MRPS28: variants seen among roughly 807,000 people sequenced by gnomAD.
MRPS28 encodes the protein small ribosomal subunit protein bS1m.
Under a neutral mutation model 10.8 loss-of-function variants are expected in MRPS28, and 7 were observed. That is an observed-to-expected ratio of 0.65 (90% CI 0.37 to 1.22). The LOEUF is 1.22. MRPS28 is among the 50% of genes most tolerant of loss of function. The pLI is 0.02. For missense variants in MRPS28, 265 were observed against 232.9 expected (o/e 1.14, Z -0.90); for synonymous variants, 121 against 93.3 (o/e 1.30, Z -1.71).
chr8:79,940,695 A>G (rs1806743269), intron 2 of MRPS28, among the ~76,000 whole-genome samples: 1 of 152,202 alleles, frequency 6.6e-6, no homozygotes, highest in South Asian at 2.1e-4. Context: ...TTCAAAGCCA[A>G]CTTTTCCAAA....
At chr8:79,956,069 AT>A (rs908422690) in intron 2 of MRPS28, among the ~76,000 whole-genome samples, 1 of 151,490 alleles carries the variant, frequency 6.6e-6, no homozygotes, top group Non-Finnish European at 1.5e-5. Flanking sequence ...GCTGGACTGA[AT>A]TTTTTTTTAT....
chr8:79,988,356 G>A (rs1156354260), intron 2 of MRPS28, among the ~76,000 whole-genome samples: 2 of 151,276 alleles, frequency 1.3e-5, no homozygotes, highest in Non-Finnish European at 2.9e-5. Flanking sequence ...ACACCAGCAT[G>A]GCACGTGTAT....
At chr8:79,969,939 C>T (rs546121059) in intron 2 of MRPS28, among the ~76,000 whole-genome samples, 1 of 152,240 alleles carries the variant, frequency 6.6e-6, no homozygotes, top group East Asian at 1.9e-4. Flanking sequence ...ACACATTTCT[C>T]CTTGGACGCA....
intron 2 of MRPS28, among the ~76,000 whole-genome samples, chr8:79,929,738 G>A (rs918510040): frequency 2.6e-5 from 4 of 152,108 alleles, no homozygotes; most frequent in African/African-American, 7.2e-5. Flanking sequence ...GTTTTTTTGT[G>A]TATTAATGGT....
chr8:80,020,977 G>A (rs1809342328), intron 1 of MRPS28, among the ~76,000 whole-genome samples: 1 of 151,166 alleles, frequency 6.6e-6, no homozygotes, highest in Admixed American at 6.6e-5. Context: ...AGAAACTACA[G>A]TACGAATATA....
intron 1 of MRPS28, among the ~76,000 whole-genome samples, chr8:80,024,859 T>C (rs1029581682): frequency 2.0e-5 from 3 of 152,228 alleles, no homozygotes; most frequent in Admixed American, 6.5e-5. Flanking sequence ...GACTTTACTA[T>C]GAGAGCTGTG....
At chr8:80,017,883 C>A (rs1809237938) in intron 1 of MRPS28, among the ~76,000 whole-genome samples, 1 of 152,078 alleles carries the variant, frequency 6.6e-6, no homozygotes, top group African/African-American at 2.4e-5. Context: ...AAATTATATA[C>A]CACAACTGAG....
At chr8:79,919,971 T>C (rs1162288674) in intron 2 of MRPS28, among the ~76,000 whole-genome samples, 2 of 109,896 alleles carry the variant, frequency 1.8e-5, no homozygotes, top group South Asian at 6.1e-4. Context: ...CCCCGGTGTG[T>C]GATGTTCCCC....
At chr8:80,029,771 G>A in intron 1 of MRPS28, 1 of 1,497,990 alleles carries the variant, frequency 6.7e-7, no homozygotes. Flanking sequence ...CTTCCCACCA[G>A]CATTCAATCC....
chr8:79,931,673 G>T (rs940387027), intron 2 of MRPS28, among the ~76,000 whole-genome samples: 1 of 152,156 alleles, frequency 6.6e-6, no homozygotes, highest in African/African-American at 2.4e-5. Flanking sequence ...GTCAGGATAG[G>T]CCTTGATTTA....
chr8:80,021,991 A>C (rs1433246864), intron 1 of MRPS28, among the ~76,000 whole-genome samples: 3 of 152,206 alleles, frequency 2.0e-5, no homozygotes, highest in Non-Finnish European at 2.9e-5. Flanking sequence ...CAATTTTATT[A>C]CATGTAAAGG....
At chr8:79,944,189 T>C (rs942898490) in intron 2 of MRPS28, among the ~76,000 whole-genome samples, 1 of 152,230 alleles carries the variant, frequency 6.6e-6, no homozygotes, top group East Asian at 1.9e-4. Flanking sequence ...ATCTGACTCA[T>C]CCTTTCAGAA....
chr8:80,007,652 T>A (rs1245485232), intron 1 of MRPS28, among the ~76,000 whole-genome samples: 1 of 152,146 alleles, frequency 6.6e-6, no homozygotes, highest in African/African-American at 2.4e-5. Context: ...AGCCAAATCA[T>A]GAGTGAACTC....
At chr8:79,994,472 A>C (rs1384637461) in intron 2 of MRPS28, among the ~76,000 whole-genome samples, 4 of 152,100 alleles carry the variant, frequency 2.6e-5, no homozygotes, top group Non-Finnish European at 5.9e-5. Context: ...CAGTCCATTC[A>C]TGTCCAAAAT....
intron 2 of MRPS28, among the ~76,000 whole-genome samples, chr8:79,933,310 G>A (rs529513946): frequency 6.6e-6 from 1 of 152,304 alleles, no homozygotes; most frequent in South Asian, 2.1e-4. Flanking sequence ...CTCACTGCAT[G>A]CACATGCAGA....
chr8:79,950,434 T>C (rs1228318030), intron 2 of MRPS28, among the ~76,000 whole-genome samples: 1 of 152,192 alleles, frequency 6.6e-6, no homozygotes, highest in Non-Finnish European at 1.5e-5. Flanking sequence ...TCATTAAATA[T>C]ACTTTAGGAT....
chr8:80,014,798 C>T (rs913662583), intron 1 of MRPS28, among the ~76,000 whole-genome samples: 8 of 152,058 alleles, frequency 5.3e-5, no homozygotes, highest in Non-Finnish European at 1.0e-4. Flanking sequence ...TATTTGTCAA[C>T]CAAGATGATT....
At chr8:79,997,415 C>T (rs1184357181) in intron 2 of MRPS28, among the ~76,000 whole-genome samples, 1 of 152,064 alleles carries the variant, frequency 6.6e-6, no homozygotes, top group East Asian at 1.9e-4. Context: ...CATAACAATA[C>T]CCACACTGCA....
chr8:79,949,328 C>A (rs959772939), intron 2 of MRPS28, among the ~76,000 whole-genome samples: 24 of 151,420 alleles, frequency 1.6e-4, no homozygotes, highest in Non-Finnish European at 3.4e-4. Flanking sequence ...GCAGGAGAAT[C>A]GCTTGAACCC....
Sources: gnomAD v4.1 joint callset for allele counts (sites outside exome capture counted in the v4.1 genomes callset) on GRCh38, gnomAD v4.1.1 for gene constraint, MANE v1.5 for transcripts, NCBI Gene and HGNC (gene_info 2026-07-23, HGNC 2026-07-21) for gene names.